The following FABP3 variants were observed in gnomAD, a reference collection of about 807,000 sequenced individuals.
The protein encoded by FABP3 is fatty acid binding protein 3.
In FABP3, 8 loss-of-function variants were observed where a neutral mutation model predicts 13.4. The observed-to-expected ratio is 0.60, with a 90% CI of 0.35 to 1.07. The LOEUF (loss-of-function observed/expected upper bound fraction) is 1.07. Among genes scored for constraint, FABP3 ranks in the 50% least tolerant of loss-of-function variants. The pLI is 0.02. For synonymous variants in FABP3, 64 were observed against 60.0 expected, an observed-to-expected ratio of 1.07 and a Z score of -0.31; for missense variants, 135 against 164.7, an observed-to-expected ratio of 0.82 and a Z score of 0.99.
chr1:31,372,809 G>T, intron 1 of FABP3, 133 bp downstream of exon 1: 1 of 843,514 alleles, frequency 1.2e-6, no homozygotes, highest in Non-Finnish European at 1.9e-6. Context: ...CCTGCTCTAG[G>T]CCAGGCTGCC....
At chr1:31,372,841 CCA>C in intron 1 of FABP3, 99 bp downstream of exon 1, 2 of 1,185,136 alleles carry the variant, frequency 1.7e-6, no homozygotes, top group Non-Finnish European at 2.5e-6. Flanking sequence ...CCCCTATTCC[CCA>C]GTCTTAACCA....
chr1:31,369,464 CTG>C lies in FABP3; in HGVS notation c.165_166del (p.His55GlnfsTer11), dbSNP rs1258246703. ...GCTGATCTCTGTGTTCTTGAAGGTG[CTG>C]TGTGTTTTTAGGGTGAGAATGTCCC... On this transcript the variant is annotated frameshift_variant, in exon 2 of 4. Transcript: ENST00000373713. LOFTEE classifies it high-confidence loss of function. The C allele has an allele frequency of 6.2e-7, 1 of 1,614,038 alleles. No homozygotes were observed. The highest frequency in any genetic ancestry group is 1.3e-5 in the African/African-American group (1 of 74,902).
downstream of FABP3, among the ~76,000 whole-genome samples, chr1:31,360,322 A>G (rs973410264): frequency 2.0e-5 from 3 of 152,204 alleles, no homozygotes; most frequent in Admixed American, 6.5e-5. Flanking sequence ...GGCATGTGCC[A>G]CCACGCCCAG....
intron 2 of FABP3, among the ~76,000 whole-genome samples, chr1:31,368,771 C>T (rs915421988): frequency 2.6e-5 from 4 of 152,220 alleles, no homozygotes; most frequent in African/African-American, 9.6e-5. Context: ...ACTGCAAACA[C>T]ATTCATGACA....
chr1:31,372,381 C>T (rs1640223777), intron 1 of FABP3, among the ~76,000 whole-genome samples: 1 of 152,148 alleles, frequency 6.6e-6, no homozygotes, highest in East Asian at 1.9e-4. Context: ...AGGGCATTCT[C>T]CAGCAAGAAT....
At chr1:31,369,657 G>T (rs1640174705) in intron 1 of FABP3, 100 bp from the exon 2 acceptor site, 2 of 1,127,346 alleles carry the variant, frequency 1.8e-6, no homozygotes, top group Non-Finnish European at 2.6e-6. Context: ...TGGGGAAGTG[G>T]AGGACTGTAT....
intron 3 of FABP3, 118 bp downstream of exon 3, chr1:31,367,275 A>G: frequency 1.2e-6 from 1 of 841,036 alleles, no homozygotes; most frequent in Non-Finnish European, 2.0e-6. Context: ...ACCCACAACC[A>G]CTCTCTTGTC....
At chr1:31,371,309 G>A (rs1033369640) in intron 1 of FABP3, among the ~76,000 whole-genome samples, 5 of 152,184 alleles carry the variant, frequency 3.3e-5, no homozygotes, top group Non-Finnish European at 4.4e-5. Context: ...ACCTTGTCAC[G>A]GCACTGGGAG....
chr1:31,365,760 A>C lies in FABP3; in HGVS notation c.*126T>G. On this transcript the variant is annotated 3_prime_UTR_variant, in exon 4 of 4. Transcript: ENST00000373713. ...TGGGAACTGGAACTGGATCCCGGTCAGTGGCACCTGACCCCAGAAGAATTC... is the reference window on the plus strand; with the variant it reads ...TGGGAACTGGAACTGGATCCCGGTCCGTGGCACCTGACCCCAGAAGAATTC... The C allele has an allele frequency of 1.2e-6, 1 of 822,390 alleles. No individual in the cohort carries two copies. 50.9% of individuals were successfully genotyped at this position (822,390 alleles called of 1,614,324 possible).
chr1:31,364,393 C>G, downstream of FABP3: 2 of 893,040 alleles, frequency 2.2e-6, no homozygotes, highest in South Asian at 2.1e-5. Flanking sequence ...TTGTTGTTTC[C>G]TTATCACTCC....
chr1:31,361,351 A>G (rs1639885646), downstream of FABP3, among the ~76,000 whole-genome samples: 2 of 152,246 alleles, frequency 1.3e-5, no homozygotes, highest in South Asian at 4.1e-4. Context: ...AAAAATACAT[A>G]TAGCTCCCAC....
chr1:31,361,763 G>A (rs1169474019), downstream of FABP3, among the ~76,000 whole-genome samples: 4 of 151,400 alleles, frequency 2.6e-5, no homozygotes, highest in East Asian at 7.7e-4. Context: ...CACCATAGGT[G>A]TTTTTTTTGG....
downstream of FABP3, chr1:31,364,396 A>G (rs771254893): frequency 3.4e-6 from 3 of 890,238 alleles, no homozygotes; most frequent in Admixed American, 3.0e-5. Flanking sequence ...TTGTTTCCTT[A>G]TCACTCCTGG....
Position 31,367,475 on chromosome 1 carries a change from C to G in FABP3, c.266G>C (p.Gly89Ala), listed in dbSNP as rs192066967. 6.2e-7 allele frequency: 1 copy of G among 1,613,996 alleles called. No homozygotes were observed. The highest frequency in any genetic ancestry group is 8.5e-7 in the Non-Finnish European group (1 of 1,179,970). Reference sequence around the variant, plus strand: ...TTTCTGCAGGTGAACAAGTTTCCCTCCATCCAGTGTCACAATGGACTGTGG... The same window carrying G: ...TTTCTGCAGGTGAACAAGTTTCCCTGCATCCAGTGTCACAATGGACTGTGG... ...RKVKSIVTLDGGKLVHLQKWD... is the reference protein window; with the variant it reads ...RKVKSIVTLDAGKLVHLQKWD... The change falls in exon 3 of 4, where the codon GGA (glycine) becomes GCA (alanine). Residue 89 changes from glycine (G) to alanine (A), a missense_variant. Gly to Ala is a moderately conservative substitution (Grantham distance 60). Transcript: ENST00000373713.
At chr1:31,368,762 C>T (rs1255465222) in intron 2 of FABP3, among the ~76,000 whole-genome samples, 2 of 152,182 alleles carry the variant, frequency 1.3e-5, no homozygotes, top group African/African-American at 2.4e-5. Context: ...TGGGAAGACA[C>T]TGCAAACACA....
downstream of FABP3, among the ~76,000 whole-genome samples, chr1:31,360,336 A>G (rs1639829788): frequency 1.3e-5 from 2 of 152,120 alleles, no homozygotes; most frequent in Admixed American, 1.3e-4. Context: ...CGCCCAGCTA[A>G]TTTTGTATTT....
intron 3 of FABP3, 149 bp from the exon 4 acceptor site, chr1:31,366,088 GTGTGTGTGTGTA>G: frequency 1.9e-6 from 1 of 517,966 alleles, no homozygotes; most frequent in Non-Finnish European, 3.6e-6. Flanking sequence ...GTGTGTGTGT[GTGTGTGTGTGTA>G]TACATACATA....
chr1:31,369,508 TGTG>T lies in FABP3; in HGVS notation c.120_122del (p.Thr41del), dbSNP rs1465917684. Reference sequence around the variant, plus strand: ...GAATGTCCCCATTCTTTTCGATGATTGTGGTAGGCTTGGTCATGCTGGCCACCT... The same window carrying T: ...GAATGTCCCCATTCTTTTCGATGATTGTAGGCTTGGTCATGCTGGCCACCT... On this transcript the variant is annotated inframe_deletion, in exon 2 of 4. Transcript: ENST00000373713. The T allele has an allele frequency of 1.9e-6, 3 of 1,614,052 alleles. No homozygotes were observed. The highest frequency in any genetic ancestry group is 2.7e-5 in the African/African-American group (2 of 74,914).
intron 3 of FABP3, among the ~76,000 whole-genome samples, chr1:31,366,183 A>G (rs910736823): frequency 2.0e-5 from 3 of 152,092 alleles, no homozygotes; most frequent in African/African-American, 7.2e-5. Flanking sequence ...GATTTGGAAA[A>G]AACGAGCCTT....
Sources: gnomAD v4.1 joint callset for allele counts (sites outside exome capture counted in the v4.1 genomes callset) on GRCh38, gnomAD v4.1.1 for gene constraint, MANE v1.5 for transcripts, NCBI Gene and HGNC (gene_info 2026-07-23, HGNC 2026-07-21) for gene names.